SRFBP1: variants seen among roughly 807,000 people sequenced by gnomAD.
SRFBP1 encodes the protein serum response factor-binding protein 1.
A neutral mutation model predicts 45.5 loss-of-function variants in SRFBP1; 47 were observed. The ratio of observed to expected loss-of-function variants is 1.03; its 90% CI spans 0.82 to 1.32. SRFBP1 has a LOEUF of 1.32. SRFBP1 is among the 40% of genes most tolerant of loss of function. The pLI, the probability that SRFBP1 is intolerant of heterozygous loss-of-function variation, is 0.00. For synonymous variants in SRFBP1, 203 were observed against 166.3 expected (o/e 1.22, Z -1.70); for missense variants, 621 against 484.6 (o/e 1.28, Z -2.64).
intron 4 of SRFBP1, among the ~76,000 whole-genome samples, chr5:122,012,107 G>C (rs1408011802): frequency 1.3e-5 from 2 of 152,094 alleles, no homozygotes; most frequent in Admixed American, 1.3e-4. Context: ...GTTCTAGCTT[G>C]TTCCTAATTG....
chr5:122,002,425 C>G (rs550044983), intron 4 of SRFBP1, among the ~76,000 whole-genome samples: 1 of 152,194 alleles, frequency 6.6e-6, no homozygotes, highest in Non-Finnish European at 1.5e-5. Flanking sequence ...AATGGGCTTA[C>G]TCTTTTTGAA....
intron 7 of SRFBP1, among the ~76,000 whole-genome samples, chr5:122,024,756 A>G (rs1483439559): frequency 6.6e-6 from 1 of 152,258 alleles, no homozygotes; most frequent in Non-Finnish European, 1.5e-5. Context: ...AACTGTAAAT[A>G]TAAGACATAC....
intron 2 of SRFBP1, among the ~76,000 whole-genome samples, chr5:122,058,529 A>AGTGTGTGTGTGTGT (rs147926229): frequency 1.3e-4 from 18 of 142,346 alleles, no homozygotes; most frequent in Non-Finnish European, 2.6e-4. Context: ...ACAATGAGAT[A>AGTGTGTGTGTGTGT]GTGTGTGTGT....
At position 121,975,286 on chromosome 5, in the gene SRFBP1, G is replaced by T. The variant is rs990698738; in HGVS notation, c.126-29G>T. On this transcript the variant is annotated intron_variant, in intron 2 of 7. Transcript: ENST00000339397. ...TAAGTCTAAAATTAATGCTTTGCCTGGCTACATATCGTAATGTATTTTTTG... is the reference window on the plus strand; with the variant it reads ...TAAGTCTAAAATTAATGCTTTGCCTTGCTACATATCGTAATGTATTTTTTG... The T allele has an allele frequency of 3.1e-6, 5 of 1,607,908 alleles. No homozygotes were observed. The Admixed American group carries it at 8.3e-5, about 27-fold the overall frequency.
intron 2 of SRFBP1, among the ~76,000 whole-genome samples, chr5:122,049,909 C>G (rs1753938617): frequency 6.6e-6 from 1 of 152,148 alleles, no homozygotes; most frequent in Non-Finnish European, 1.5e-5. Context: ...ACTAAATGCT[C>G]ACAAGAGAAA....
intron 2 of SRFBP1, among the ~76,000 whole-genome samples, chr5:122,055,124 G>A (rs1754057316): frequency 6.6e-6 from 1 of 152,196 alleles, no homozygotes; most frequent in Non-Finnish European, 1.5e-5. Flanking sequence ...GGTTCTGGAG[G>A]CTGGGAAGTA....
intron 2 of SRFBP1, among the ~76,000 whole-genome samples, chr5:122,039,837 ACTATT>A (rs145247813): frequency 0.019 from 2,934 of 152,270 alleles, 101 homozygotes; most frequent in African/African-American, 0.065. Flanking sequence ...TTGGGATCTA[ACTATT>A]CTATTTTGTC....
chr5:121,998,238 C>G (rs1009600014), intron 4 of SRFBP1, among the ~76,000 whole-genome samples: 3 of 151,974 alleles, frequency 2.0e-5, no homozygotes, highest in Admixed American at 1.3e-4. Context: ...TGGCGTTATT[C>G]GCAATAGCAA....
intron 2 of SRFBP1, among the ~76,000 whole-genome samples, chr5:122,054,875 G>T (rs570944214): frequency 1.3e-5 from 2 of 152,048 alleles, no homozygotes; most frequent in Non-Finnish European, 2.9e-5. Context: ...CCTCAAATTT[G>T]TTAGTTATGT....
At chr5:122,001,752 G>T (rs559179110) in intron 4 of SRFBP1, among the ~76,000 whole-genome samples, 34 of 151,664 alleles carry the variant, frequency 2.2e-4, no homozygotes, top group Middle Eastern at 3.4e-3. Flanking sequence ...TAGTATAGAC[G>T]GGGTTTCACC....
intron 4 of SRFBP1, among the ~76,000 whole-genome samples, chr5:121,998,858 C>G (rs1205994766): frequency 2.0e-5 from 3 of 152,150 alleles, no homozygotes; most frequent in African/African-American, 4.8e-5. Flanking sequence ...TTACATTTTT[C>G]TACATCTTCC....
At chr5:121,994,720 A>C in intron 4 of SRFBP1, 50 bp downstream of exon 4, 2 of 1,232,308 alleles carry the variant, frequency 1.6e-6, no homozygotes, top group Non-Finnish European at 2.3e-6. Context: ...TCTCATCTAT[A>C]TTGCTTACTT....
At chr5:122,045,398 A>G (rs984717360) in intron 2 of SRFBP1, among the ~76,000 whole-genome samples, 4 of 152,142 alleles carry the variant, frequency 2.6e-5, no homozygotes, top group African/African-American at 4.8e-5. Context: ...CAAAAATGTC[A>G]TTGGTAGTTT....
At chr5:122,070,489 T>C in intron 2 of SRFBP1, 1 of 1,521,300 alleles carries the variant, frequency 6.6e-7, no homozygotes, top group South Asian at 1.1e-5. Context: ...TTCAAAGGTC[T>C]TTACCTTTAG....
intron 4 of SRFBP1, among the ~76,000 whole-genome samples, chr5:122,014,013 A>C (rs1307716408): frequency 6.6e-6 from 1 of 152,158 alleles, no homozygotes; most frequent in African/African-American, 2.4e-5. Flanking sequence ...ATTTCAAAAT[A>C]GCCAAAAGAG....
intron 2 of SRFBP1, among the ~76,000 whole-genome samples, chr5:122,044,441 A>G (rs116365927): frequency 9.7e-4 from 147 of 152,238 alleles, no homozygotes; most frequent in Non-Finnish European, 1.5e-3. Context: ...ACTTTCCACA[A>G]TGGCTGAACT....
rs1439703120 is a variant in SRFBP1 at position 122,027,059 on chromosome 5, GA to G, written c.1225del (p.Arg409GlyfsTer23). ...CTTCATCCTTCATGGGAAGCAAGCA[GA>G]AGGCGAAAAGAACAGCAATCTAATA... is the stretch of plus-strand genomic sequence containing the variant. The part of the protein sequence containing the change: ...LPLHPSWEAS[R>X]RRKEQQSNIA... On this transcript the variant is annotated frameshift_variant, in exon 8 of 8. Transcript: ENST00000339397. LOFTEE classifies it high-confidence loss of function. 1 of 1,612,628 alleles carries G rather than the reference GA, an allele frequency of 6.2e-7. No individual in the cohort carries two copies. The highest frequency in any genetic ancestry group is 1.7e-5 in the Admixed American group (1 of 59,874).
chr5:122,025,755 G>T (rs1459207113), intron 7 of SRFBP1, among the ~76,000 whole-genome samples: 1 of 152,150 alleles, frequency 6.6e-6, no homozygotes, highest in Non-Finnish European at 1.5e-5. Flanking sequence ...CCCAAACAGT[G>T]CACTGGTTTA....
At chr5:122,043,203 ATTTTCTTTTT>A (rs977779083) in intron 2 of SRFBP1, among the ~76,000 whole-genome samples, 2 of 151,340 alleles carry the variant, frequency 1.3e-5, no homozygotes, top group South Asian at 2.1e-4. Context: ...CTGTCTCACT[ATTTTCTTTTT>A]TTTTCTTTTT....
Sources: gnomAD v4.1 joint callset for allele counts (sites outside exome capture counted in the v4.1 genomes callset) on GRCh38, gnomAD v4.1.1 for gene constraint, MANE v1.5 for transcripts, NCBI Gene and HGNC (gene_info 2026-07-23, HGNC 2026-07-21) for gene names.